The following ANKRD44 variants were observed in gnomAD, a reference collection of about 807,000 sequenced individuals.
ANKRD44 encodes ankyrin repeat domain 44, also known as serine/threonine-protein phosphatase 6 regulatory ankyrin repeat subunit B.
A neutral mutation model predicts 116.0 loss-of-function variants in ANKRD44; 35 were observed. That is an observed-to-expected ratio of 0.30 (90% CI 0.23 to 0.40). ANKRD44 has a LOEUF of 0.40. Ranked by LOEUF, ANKRD44 falls within the 10% of genes least tolerant of loss-of-function variation. ANKRD44 has a pLI of 1.00. For synonymous variants in ANKRD44, 435 were observed against 461.8 expected (o/e 0.94, Z 0.74); for missense variants, 1,014 against 1,242.6 (o/e 0.82, Z 2.77).
intron 1 of ANKRD44, among the ~76,000 whole-genome samples, chr2:197,308,844 G>C (rs2084154322): frequency 6.6e-6 from 1 of 152,180 alleles, no homozygotes; most frequent in South Asian, 2.1e-4. Flanking sequence ...CACATCCAAT[G>C]AGATGATGGA....
chr2:197,009,527 A>C (rs2076259160), intron 18 of ANKRD44, among the ~76,000 whole-genome samples: 1 of 151,574 alleles, frequency 6.6e-6, no homozygotes, highest in Non-Finnish European at 1.5e-5. Flanking sequence ...GCACCACCAC[A>C]CCCGCTAATT....
intron 16 of ANKRD44, among the ~76,000 whole-genome samples, chr2:197,056,352 A>G (rs571209503): frequency 7.2e-5 from 11 of 152,248 alleles, no homozygotes; most frequent in African/African-American, 2.6e-4. Flanking sequence ...TATTTTCACA[A>G]TCTTTCAATT....
At chr2:196,973,269 T>C (rs970467967) in intron 21 of ANKRD44, among the ~76,000 whole-genome samples, 19 of 152,142 alleles carry the variant, frequency 1.2e-4, no homozygotes, top group Non-Finnish European at 1.6e-4. Context: ...ATCCTTTTCC[T>C]ATTTTTAAAA....
In ANKRD44 at chr2:197,001,821, C is replaced by G; in HGVS notation, c.2367G>C (p.Glu789Asp). The G allele has an allele frequency of 1.2e-6, 2 of 1,613,014 alleles. No homozygotes were observed. The highest frequency in any genetic ancestry group is 1.7e-6 in the Non-Finnish European group (2 of 1,179,392). ...ACYNGNENCI[E>D]VLLEQKCFRK... Reference sequence around the variant, plus strand: ...GAAAACATTTTTGCTCCAAAAGTACCTCTATACAGTTTTCATTACCTGCAA... The same window carrying G: ...GAAAACATTTTTGCTCCAAAAGTACGTCTATACAGTTTTCATTACCTGCAA... Residue 789 changes from glutamate to aspartate, a missense_variant, in exon 22 of 28, where the codon GAG (glutamate) becomes GAC (aspartate). Coordinates refer to ENST00000282272, the MANE Select transcript of ANKRD44 (RefSeq NM_001195144.2).
In ANKRD44 at chr2:197,079,844, C is replaced by T. The variant is rs188586739; in HGVS notation, c.1539-1030G>A. Among the ~76,000 whole-genome samples, 104 of 151,966 alleles carry T rather than the reference C, an allele frequency of 6.8e-4. 1 individual carries two copies. Among genetic ancestry groups the T allele is most frequent in the African/African-American group, 6.8e-4 (28 of 41,462 alleles). On this transcript the variant is annotated intron_variant, in intron 15 of 27. Coordinates refer to ENST00000282272, the MANE Select transcript of ANKRD44 (RefSeq NM_001195144.2). The stretch of plus-strand genomic sequence containing the variant: ...ACCTATCTTTTGGTATAAGGCAAAA[C>T]GAAAAAAGTCAATTACACATAGGGA...
At chr2:197,058,670 T>C (rs910862438) in intron 16 of ANKRD44, among the ~76,000 whole-genome samples, 4 of 152,312 alleles carry the variant, frequency 2.6e-5, no homozygotes, top group Admixed American at 1.3e-4. Context: ...CAAGTCTGTA[T>C]CCAAGATAAA....
chr2:197,025,554 A>G lies in ANKRD44; in HGVS notation c.1651-287T>C, dbSNP rs116003776. 2.1e-3 allele frequency among the ~76,000 whole-genome samples: 316 copies of G among 152,342 alleles called. 1 individual carries two copies. The highest frequency in any genetic ancestry group is 6.9e-3 in the African/African-American group (287 of 41,588). ...GTATTGATTCTACTATCAAACACAC[A>G]TTTACTGCAGATAGTGTGGATAGTG... On this transcript the variant is annotated intron_variant, in intron 16 of 27. Transcript: ENST00000282272.
At chr2:196,979,106 A>T (rs552439836) in intron 21 of ANKRD44, among the ~76,000 whole-genome samples, 24 of 152,230 alleles carry the variant, frequency 1.6e-4, no homozygotes, top group African/African-American at 4.8e-4. Flanking sequence ...AATGAATAGC[A>T]TCTGCAGGCG....
At chr2:197,258,270 C>CTTTTTTTTTTTTT (rs71395680) in intron 1 of ANKRD44, among the ~76,000 whole-genome samples, 264 of 79,232 alleles carry the variant, frequency 3.3e-3, no homozygotes, top group African/African-American at 5.0e-3. Context: ...TTGGCTAATC[C>CTTTTTTTTTTTTT]TTTTTTTTTT....
intron 1 of ANKRD44, among the ~76,000 whole-genome samples, chr2:197,288,827 C>G (rs2105865190): frequency 6.6e-6 from 1 of 152,128 alleles, no homozygotes; most frequent in South Asian, 2.1e-4. Flanking sequence ...TGTTCTCATT[C>G]ACATATGGGA....
intron 1 of ANKRD44, among the ~76,000 whole-genome samples, chr2:197,266,968 T>C (rs2082757255): frequency 1.3e-5 from 2 of 152,238 alleles, no homozygotes; most frequent in Non-Finnish European, 2.9e-5. Flanking sequence ...TCTAGATTAA[T>C]ATCCAAAAGG....
At chr2:197,013,986 C>T (rs1364524917) in intron 17 of ANKRD44, among the ~76,000 whole-genome samples, 1 of 152,186 alleles carries the variant, frequency 6.6e-6, no homozygotes, top group Non-Finnish European at 1.5e-5. Context: ...TTAATGTATT[C>T]TTATATTTAT....
At chr2:197,205,446 G>T (rs1160295675) in intron 1 of ANKRD44, among the ~76,000 whole-genome samples, 3 of 152,132 alleles carry the variant, frequency 2.0e-5, no homozygotes, top group African/African-American at 7.2e-5. Flanking sequence ...GAACAACCTG[G>T]TGAGTTGCGA....
intron 9 of ANKRD44, among the ~76,000 whole-genome samples, chr2:197,107,594 G>T (rs902378588): frequency 6.6e-5 from 10 of 152,300 alleles, no homozygotes; most frequent in South Asian, 4.1e-4. Flanking sequence ...AATCCTGACT[G>T]GAGAGCAGTC....
chr2:197,143,685 A>T (rs1414496368), intron 3 of ANKRD44, among the ~76,000 whole-genome samples: 1 of 152,106 alleles, frequency 6.6e-6, no homozygotes, highest in African/African-American at 2.4e-5. Flanking sequence ...GCTGGAGTAC[A>T]GTGGTGCGAT....
intron 3 of ANKRD44, among the ~76,000 whole-genome samples, chr2:197,136,980 G>A (rs529953612): frequency 1.9e-4 from 29 of 152,294 alleles, no homozygotes; most frequent in Middle Eastern, 6.8e-3. Flanking sequence ...ATAGGCTCAA[G>A]CATGAGCCAA....
intron 8 of ANKRD44, among the ~76,000 whole-genome samples, chr2:197,113,563 T>C (rs1559073210): frequency 1.3e-5 from 2 of 152,204 alleles, no homozygotes; most frequent in African/African-American, 4.8e-5. Flanking sequence ...ATAAAAGAGC[T>C]TAAAGGCCTT....
At chr2:197,204,720 G>A (rs890415653) in intron 1 of ANKRD44, among the ~76,000 whole-genome samples, 6 of 152,190 alleles carry the variant, frequency 3.9e-5, no homozygotes, top group East Asian at 1.9e-4. Context: ...TCTGTGGACC[G>A]GATGTAGCCC....
intron 1 of ANKRD44, among the ~76,000 whole-genome samples, chr2:197,236,803 G>A (rs945132275): frequency 5.9e-5 from 9 of 151,966 alleles, no homozygotes; most frequent in South Asian, 2.1e-4. Flanking sequence ...GAGAATCCCC[G>A]TGCCACTTCA....
Sources: gnomAD v4.1 joint callset for allele counts (sites outside exome capture counted in the v4.1 genomes callset) on GRCh38, gnomAD v4.1.1 for gene constraint, MANE v1.5 for transcripts, NCBI Gene and HGNC (gene_info 2026-07-23, HGNC 2026-07-21) for gene names.